RPS6KA2: variants seen among roughly 807,000 people sequenced by gnomAD.
The protein encoded by RPS6KA2 is ribosomal protein S6 kinase A2.
RPS6KA2 carries 42 observed loss-of-function variants against 91.8 expected under a neutral mutation model. The observed-to-expected ratio is 0.46, with a 90% CI of 0.36 to 0.59. RPS6KA2 has a LOEUF of 0.59. Among genes scored for constraint, RPS6KA2 ranks in the 20% least tolerant of loss-of-function variants. The pLI is 0.00. For missense variants in RPS6KA2, 798 were observed against 978.5 expected (o/e 0.82, Z 2.46); for synonymous variants, 414 against 393.6 (o/e 1.05, Z -0.61).
intron 2 of RPS6KA2, among the ~76,000 whole-genome samples, chr6:166,650,177 T>G (rs1049992582): frequency 2.7e-5 from 4 of 150,324 alleles, no homozygotes; most frequent in African/African-American, 7.3e-5. Flanking sequence ...CACAATTAAC[T>G]TGTACCACAA....
intron 1 of RPS6KA2, among the ~76,000 whole-genome samples, chr6:166,564,815 C>G (rs1421425725): frequency 6.6e-6 from 1 of 152,220 alleles, no homozygotes; most frequent in Non-Finnish European, 1.5e-5. Flanking sequence ...GTCCCTGCGG[C>G]AGCATCACCT....
intron 2 of RPS6KA2, among the ~76,000 whole-genome samples, chr6:166,687,006 T>A (rs1789042467): frequency 6.6e-6 from 1 of 152,148 alleles, no homozygotes; most frequent in Non-Finnish European, 1.5e-5. Flanking sequence ...CTGCGCCCAT[T>A]CTCCATGCTA....
At chr6:166,753,565 G>A (rs952996203) in intron 2 of RPS6KA2, among the ~76,000 whole-genome samples, 4 of 151,988 alleles carry the variant, frequency 2.6e-5, no homozygotes, top group South Asian at 2.1e-4. Context: ...ACAGCAACTC[G>A]GATGTGTTTG....
chr6:166,584,424 G>C (rs1052520172), intron 1 of RPS6KA2, among the ~76,000 whole-genome samples: 3 of 152,194 alleles, frequency 2.0e-5, no homozygotes, highest in Non-Finnish European at 4.4e-5. Flanking sequence ...ATACAATTGA[G>C]TCCATTAACA....
intron 2 of RPS6KA2, among the ~76,000 whole-genome samples, chr6:166,811,518 AG>A (rs1779639709): frequency 6.6e-6 from 1 of 152,342 alleles, no homozygotes; most frequent in Non-Finnish European, 1.5e-5. Flanking sequence ...TAGCTGCTCC[AG>A]AGGCTGAGGT....
At position 166,514,859 on chromosome 6, in the gene RPS6KA2, C is replaced by A. The variant is rs114189380; in HGVS notation, c.299-4502G>T. Among the ~76,000 whole-genome samples the A allele has an allele frequency of 2.7e-3, 413 of 152,208 alleles. 1 individual carries two copies. The highest frequency in any genetic ancestry group is 9.7e-3 in the African/African-American group (404 of 41,530). On this transcript the variant is annotated intron_variant, in intron 3 of 20. Coordinates refer to ENST00000265678, the MANE Select transcript of RPS6KA2 (RefSeq NM_021135.6). The stretch of plus-strand genomic sequence containing the variant: ...GCATCATCCTAGCCCTCTGCCTGGG[C>A]GACTGGTGGAGAAATTAGCCAGGAG...
intron 2 of RPS6KA2, among the ~76,000 whole-genome samples, chr6:166,695,539 G>A (rs1400038461): frequency 6.6e-6 from 1 of 152,224 alleles, no homozygotes; most frequent in Non-Finnish European, 1.5e-5. Flanking sequence ...CCAATCCTCA[G>A]GCCTCAGACT....
intron 1 of RPS6KA2, among the ~76,000 whole-genome samples, chr6:166,609,013 C>T (rs576066299): frequency 6.6e-6 from 1 of 152,278 alleles, no homozygotes; most frequent in African/African-American, 2.4e-5. Context: ...ACCCCATCTC[C>T]ACTGCGGTTT....
intron 2 of RPS6KA2, among the ~76,000 whole-genome samples, chr6:166,685,499 T>G (rs931172284): frequency 2.6e-5 from 4 of 152,250 alleles, no homozygotes; most frequent in African/African-American, 9.6e-5. Flanking sequence ...TGACTTTCTT[T>G]CTGCCCTAGT....
intron 2 of RPS6KA2, among the ~76,000 whole-genome samples, chr6:166,798,418 T>G (rs2128617014): frequency 6.6e-6 from 1 of 152,354 alleles, no homozygotes; most frequent in South Asian, 2.1e-4. Flanking sequence ...CTATTGATAT[T>G]AATATTTAGC....
chr6:166,745,690 C>T (rs1671988690), intron 2 of RPS6KA2, among the ~76,000 whole-genome samples: 1 of 151,652 alleles, frequency 6.6e-6, no homozygotes, highest in African/African-American at 2.4e-5. Context: ...GGGGTGACAA[C>T]AGTGCCTGGG....
intron 10 of RPS6KA2, among the ~76,000 whole-genome samples, chr6:166,481,408 G>A (rs1367830705): frequency 1.3e-5 from 2 of 152,246 alleles, no homozygotes; most frequent in African/African-American, 4.8e-5. Flanking sequence ...ATCAAGCCAA[G>A]GTCCCCTTTG....
chr6:166,468,892 G>A (rs1243323479), intron 11 of RPS6KA2, among the ~76,000 whole-genome samples: 2 of 150,562 alleles, frequency 1.3e-5, no homozygotes, highest in East Asian at 1.9e-4. Flanking sequence ...AGAGGAAAGC[G>A]AAAGCAGATA....
chr6:166,467,492 TGGAAGAGCCGCAGGACA>T (rs1028834294), intron 11 of RPS6KA2, among the ~76,000 whole-genome samples: 2 of 152,184 alleles, frequency 1.3e-5, no homozygotes, highest in Admixed American at 1.3e-4. Flanking sequence ...AGCTGCAGTT[TGGAAGAGCCGCAGGACA>T]GGTCTCATAA....
At chr6:166,714,251 C>T (rs140907935) in intron 2 of RPS6KA2, among the ~76,000 whole-genome samples, 47 of 152,350 alleles carry the variant, frequency 3.1e-4, no homozygotes, top group South Asian at 1.9e-3. Context: ...CACACAGAGA[C>T]AACAGCTTGA....
At chr6:166,843,641 G>T (rs958257701) in intron 2 of RPS6KA2, among the ~76,000 whole-genome samples, 9 of 152,308 alleles carry the variant, frequency 5.9e-5, no homozygotes, top group African/African-American at 1.9e-4. Flanking sequence ...CAGTAGCTCT[G>T]CTGGGTGGCT....
At chr6:166,721,224 C>T (rs1280488247) in intron 2 of RPS6KA2, among the ~76,000 whole-genome samples, 7 of 152,140 alleles carry the variant, frequency 4.6e-5, no homozygotes, top group Admixed American at 3.3e-4. Flanking sequence ...GGTGGAAAGG[C>T]GGGGGACATC....
chr6:166,686,352 T>G (rs997888568), intron 2 of RPS6KA2, among the ~76,000 whole-genome samples: 1 of 152,180 alleles, frequency 6.6e-6, no homozygotes, highest in African/African-American at 2.4e-5. Flanking sequence ...TGTCACCTGG[T>G]GGGCTCCTGA....
At chr6:166,615,451 C>G (rs866648736) in intron 1 of RPS6KA2, among the ~76,000 whole-genome samples, 1 of 152,188 alleles carries the variant, frequency 6.6e-6, no homozygotes, top group Middle Eastern at 3.2e-3. Context: ...TTGAAGATAT[C>G]GGAGGGGATG....
Sources: gnomAD v4.1 joint callset for allele counts (sites outside exome capture counted in the v4.1 genomes callset) on GRCh38, gnomAD v4.1.1 for gene constraint, MANE v1.5 for transcripts, NCBI Gene and HGNC (gene_info 2026-07-23, HGNC 2026-07-21) for gene names.